ENOX2: variants seen among roughly 807,000 people sequenced by gnomAD.
ENOX2 encodes the protein APK1 antigen.
Under a neutral mutation model 45.0 loss-of-function variants are expected in ENOX2, and 36 were observed. That is an observed-to-expected ratio of 0.80 (90% CI 0.61 to 1.06). ENOX2 has a LOEUF of 1.06. ENOX2 is among the 50% of genes least tolerant of loss of function. ENOX2 has a pLI of 0.00. For missense variants in ENOX2, 423 were observed against 462.5 expected (o/e 0.91, Z 0.78); for synonymous variants, 174 against 152.3 (o/e 1.14, Z -1.05).
chrX:130,651,497 T>C (rs1161862401), intron 10 of ENOX2, among the ~76,000 whole-genome samples: 1 of 111,998 alleles, frequency 8.9e-6, no homozygotes, highest in African/African-American at 3.2e-5. Context: ...TTCAGCTTCC[T>C]GAAAACCTCT....
intron 3 of ENOX2, among the ~76,000 whole-genome samples, chrX:130,717,031 C>G (rs1319234310): frequency 8.9e-6 from 1 of 111,906 alleles, no homozygotes; most frequent in African/African-American, 3.2e-5. Flanking sequence ...CAGAGTAAAC[C>G]TTACAGGGAT....
intron 8 of ENOX2, among the ~76,000 whole-genome samples, chrX:130,666,413 G>A (rs1176036916): frequency 8.9e-6 from 1 of 112,025 alleles, no homozygotes; most frequent in Non-Finnish European, 1.9e-5. Context: ...AGGGAAATGT[G>A]TGCAGATGTT....
chrX:130,855,378 G>A (rs1042055459), intron 2 of ENOX2, among the ~76,000 whole-genome samples: 1 of 111,708 alleles, frequency 9.0e-6, no homozygotes, highest in African/African-American at 3.2e-5. Context: ...TAAATCTAAC[G>A]AAATGTGTAC....
intron 2 of ENOX2, among the ~76,000 whole-genome samples, chrX:130,817,009 G>C (rs1338401197): frequency 1.8e-5 from 2 of 111,844 alleles, no homozygotes; most frequent in Non-Finnish European, 3.8e-5. Flanking sequence ...TAACAAAATA[G>C]ATAGACTACT....
intron 2 of ENOX2, among the ~76,000 whole-genome samples, chrX:130,784,226 T>C (rs1002338739): frequency 8.9e-6 from 1 of 112,049 alleles, no homozygotes; most frequent in African/African-American, 3.2e-5. Flanking sequence ...GGTTATTTAG[T>C]AGCTGGAGCA....
chrX:130,860,069 T>C (rs1330537317), intron 2 of ENOX2, among the ~76,000 whole-genome samples: 1 of 110,549 alleles, frequency 9.0e-6, no homozygotes, highest in Non-Finnish European at 1.9e-5. Context: ...GATTCTGTTG[T>C]GTCAGCCTCC....
chrX:130,778,408 T>G lies in ENOX2; in HGVS notation c.-39+5139A>C, dbSNP rs900082575. Reference sequence around the variant, plus strand: ...CTGTAATTGTTCACTGTCTTTATATTGTCAAGTATCATTTTGATTTCCAGA... The same window carrying G: ...CTGTAATTGTTCACTGTCTTTATATGGTCAAGTATCATTTTGATTTCCAGA... On this transcript the variant is annotated intron_variant, in intron 3 of 14. Coordinates refer to ENST00000394363, the MANE Select transcript of ENOX2 (RefSeq NM_006375.4). Among the ~76,000 whole-genome samples, 5 of 111,924 alleles carry G rather than the reference T, an allele frequency of 4.5e-5. No individual in the cohort carries two copies. In the East Asian group the frequency reaches 1.4e-3, roughly 31 times the overall value.
intron 2 of ENOX2, among the ~76,000 whole-genome samples, chrX:130,791,202 A>G (rs2077036811): frequency 9.0e-6 from 1 of 111,355 alleles, no homozygotes; most frequent in African/African-American, 3.3e-5. Flanking sequence ...CTTTTAGAGC[A>G]TGCCTTGTGT....
At chrX:130,736,076 C>T (rs1053024756) in intron 3 of ENOX2, among the ~76,000 whole-genome samples, 9 of 111,536 alleles carry the variant, frequency 8.1e-5, no homozygotes, top group Non-Finnish European at 1.3e-4. Flanking sequence ...AAAAATACTA[C>T]GGGATGGCCA....
intron 3 of ENOX2, among the ~76,000 whole-genome samples, chrX:130,770,963 C>T (rs941215473): frequency 8.9e-6 from 1 of 112,264 alleles, no homozygotes; most frequent in African/African-American, 3.2e-5. Flanking sequence ...TTCATTGCAG[C>T]ACTGTTTGTG....
At chrX:130,803,511 A>G (rs1273632523) in intron 2 of ENOX2, among the ~76,000 whole-genome samples, 1 of 112,253 alleles carries the variant, frequency 8.9e-6, no homozygotes, top group East Asian at 2.8e-4. Context: ...TTAGATCTGT[A>G]CTTTACAAAT....
At chrX:130,763,196 C>T (rs1157099832) in intron 3 of ENOX2, among the ~76,000 whole-genome samples, 2 of 110,807 alleles carry the variant, frequency 1.8e-5, no homozygotes, top group African/African-American at 6.6e-5. Flanking sequence ...TTCTTCCTTC[C>T]TGATGTTTCG....
chrX:130,818,734 A>T (rs2077536425), intron 2 of ENOX2, among the ~76,000 whole-genome samples: 1 of 112,281 alleles, frequency 8.9e-6, no homozygotes, highest in Non-Finnish European at 1.9e-5. Flanking sequence ...CTTACACCTA[A>T]TACAAAAATT....
chrX:130,691,580 T>C (rs896907283), intron 4 of ENOX2, among the ~76,000 whole-genome samples: 12 of 112,654 alleles, frequency 1.1e-4, no homozygotes, highest in African/African-American at 3.9e-4. Flanking sequence ...CAGAAGATTT[T>C]GGAGAAATTA....
chrX:130,689,635 G>A (rs1435204773), intron 4 of ENOX2, among the ~76,000 whole-genome samples: 2 of 111,809 alleles, frequency 1.8e-5, no homozygotes, highest in Non-Finnish European at 3.8e-5. Flanking sequence ...TTGGGCCTCC[G>A]CAAATTCTCC....
At chrX:130,772,960 G>A (rs1476121046) in intron 3 of ENOX2, among the ~76,000 whole-genome samples, 2 of 112,081 alleles carry the variant, frequency 1.8e-5, no homozygotes, top group African/African-American at 6.5e-5. Flanking sequence ...TGTTCACTAC[G>A]ACCTGTCACT....
chrX:130,668,544 G>T (rs2036897263), intron 7 of ENOX2, among the ~76,000 whole-genome samples: 1 of 112,139 alleles, frequency 8.9e-6, no homozygotes, highest in Non-Finnish European at 1.9e-5. Flanking sequence ...CTCTTCCAAA[G>T]CTTCTGGTTC....
chrX:130,694,390 C>T (rs943247493), intron 4 of ENOX2, among the ~76,000 whole-genome samples: 9 of 111,179 alleles, frequency 8.1e-5, no homozygotes, highest in African/African-American at 2.9e-4. Flanking sequence ...TGCCACTACA[C>T]TGTTGCTATA....
Position 130,625,115 on chromosome X carries a change from G to A in ENOX2, c.*199C>T. On this transcript the variant is annotated 3_prime_UTR_variant, in exon 15 of 15. Transcript: ENST00000394363. ...AGGGGAGGAAGTTACAGCACTTGTG[G>A]TTTGAGGCAATTTCTCTTTAGGGCC... 2.5e-6 allele frequency: 1 copy of A among 406,795 alleles called. No individual in the cohort carries two copies. The allele number at this position is 406,795 out of a possible 1,213,427, so 33.5% of individuals were successfully genotyped here.
Sources: allele counts gnomAD v4.1 joint callset (sites outside exome capture counted in the v4.1 genomes callset), GRCh38; gene constraint gnomAD v4.1.1; transcripts MANE v1.5; gene names NCBI Gene and HGNC (gene_info 2026-07-23, HGNC 2026-07-21).